The following UTRN variants were observed in gnomAD, a reference collection of about 807,000 sequenced individuals.
UTRN encodes the protein utrophin.
Under a neutral mutation model 463.9 loss-of-function variants are expected in UTRN, and 283 were observed. That is an observed-to-expected ratio of 0.61 (90% CI 0.55 to 0.67). The LOEUF is 0.67. UTRN is among the 30% of genes least tolerant of loss of function. The pLI is 0.00. For missense variants in UTRN, 3,922 were observed against 4,084.3 expected, an observed-to-expected ratio of 0.96 and a Z score of 1.08; for synonymous variants, 1,442 against 1,431.5, an observed-to-expected ratio of 1.01 and a Z score of -0.17.
At chr6:144,441,307 A>G (rs1787135127) in intron 13 of UTRN, among the ~76,000 whole-genome samples, 1 of 152,208 alleles carries the variant, frequency 6.6e-6, no homozygotes, top group Non-Finnish European at 1.5e-5. Context: ...CCTAGCTACA[A>G]TGGGGGCACA....
At chr6:144,448,185 T>C (rs1012200835) in intron 16 of UTRN, among the ~76,000 whole-genome samples, 1 of 152,222 alleles carries the variant, frequency 6.6e-6, no homozygotes, top group Non-Finnish European at 1.5e-5. Context: ...CAAAATGTGG[T>C]GTATGCATAC....
At chr6:144,452,828 A>G (rs540146941) in intron 18 of UTRN, among the ~76,000 whole-genome samples, 2 of 151,636 alleles carry the variant, frequency 1.3e-5, no homozygotes, top group East Asian at 2.0e-4. Context: ...TGTAACTCCA[A>G]CTACTCGGGA....
intron 51 of UTRN, among the ~76,000 whole-genome samples, chr6:144,634,620 T>C (rs1776904189): frequency 6.6e-6 from 1 of 152,176 alleles, no homozygotes; most frequent in South Asian, 2.1e-4. Context: ...TGCATTTCAG[T>C]GGTATTTAGT....
intron 30 of UTRN, 94 bp downstream of exon 30, chr6:144,488,928 C>A: frequency 2.4e-6 from 3 of 1,231,340 alleles, no homozygotes; most frequent in Non-Finnish European, 3.2e-6. Flanking sequence ...TCTCCAAAAC[C>A]GAGAGTCAAT....
chr6:144,714,876 G>A (rs1053740464), intron 53 of UTRN, among the ~76,000 whole-genome samples: 5 of 151,940 alleles, frequency 3.3e-5, no homozygotes, highest in East Asian at 1.9e-4. Context: ...ACTGTTCCTC[G>A]GACTCTACTT....
intron 2 of UTRN, among the ~76,000 whole-genome samples, chr6:144,371,767 G>T (rs551801184): frequency 1.3e-5 from 2 of 152,270 alleles, no homozygotes; most frequent in South Asian, 4.1e-4. Context: ...AAGAAGGAGT[G>T]ACAGATTGGA....
At chr6:144,304,421 G>A (rs757887319) in intron 2 of UTRN, among the ~76,000 whole-genome samples, 1 of 152,146 alleles carries the variant, frequency 6.6e-6, no homozygotes, top group Non-Finnish European at 1.5e-5. Flanking sequence ...GTTGTCGACT[G>A]TCTGTCACCT....
chr6:144,431,585 T>C (rs575037619), intron 9 of UTRN, among the ~76,000 whole-genome samples: 1 of 152,354 alleles, frequency 6.6e-6, no homozygotes, highest in Admixed American at 6.5e-5. Flanking sequence ...GTTGAAAGTT[T>C]CCTCATGTGT....
intron 2 of UTRN, among the ~76,000 whole-genome samples, chr6:144,400,513 G>T (rs575898562): frequency 6.6e-6 from 1 of 152,248 alleles, no homozygotes; most frequent in Admixed American, 6.5e-5. Flanking sequence ...TAGTAAGTGT[G>T]TGAAATTTGT....
intron 55 of UTRN, among the ~76,000 whole-genome samples, chr6:144,749,448 TC>T: frequency 6.6e-6 from 1 of 152,270 alleles, no homozygotes; most frequent in African/African-American, 2.4e-5. Flanking sequence ...CCAACAGACT[TC>T]CAGTTAGCAC....
At chr6:144,520,139 G>T (rs911478116) in intron 39 of UTRN, among the ~76,000 whole-genome samples, 1 of 152,218 alleles carries the variant, frequency 6.6e-6, no homozygotes, top group Admixed American at 6.5e-5. Context: ...GAAGGAAAAC[G>T]GGTCCCACTT....
intron 5 of UTRN, 22 bp from the exon 6 acceptor site, chr6:144,423,963 TG>T: frequency 6.2e-7 from 1 of 1,605,988 alleles, no homozygotes; most frequent in Non-Finnish European, 8.5e-7. Flanking sequence ...TTTTTGTTTT[TG>T]TTTTTTGTTT....
At chr6:144,594,707 A>G (rs907556227) in intron 51 of UTRN, among the ~76,000 whole-genome samples, 4 of 152,150 alleles carry the variant, frequency 2.6e-5, no homozygotes, top group Non-Finnish European at 5.9e-5. Context: ...AGCCATCACT[A>G]TAATCTAATT....
chr6:144,462,449 C>T (rs9496979), intron 22 of UTRN, among the ~76,000 whole-genome samples: 40,133 of 152,018 alleles, frequency 0.26, 12,020 homozygotes, highest in African/African-American at 0.74. Flanking sequence ...GGTCAAATGG[C>T]ATTTCTGGTT....
intron 51 of UTRN, among the ~76,000 whole-genome samples, chr6:144,674,317 A>T (rs1781369959): frequency 6.7e-6 from 1 of 149,300 alleles, no homozygotes; most frequent in African/African-American, 2.5e-5. Flanking sequence ...ATAATCCTAA[A>T]TTTCTTGGAG....
At chr6:144,696,430 A>C (rs2128695572) in intron 52 of UTRN, among the ~76,000 whole-genome samples, 1 of 152,312 alleles carries the variant, frequency 6.6e-6, no homozygotes, top group Admixed American at 6.5e-5. Flanking sequence ...TCCTAAATTA[A>C]AATTTAAATA....
At chr6:144,741,897 C>T (rs1005682632) in intron 54 of UTRN, among the ~76,000 whole-genome samples, 1 of 152,114 alleles carries the variant, frequency 6.6e-6, no homozygotes, top group Non-Finnish European at 1.5e-5. Context: ...GACTCCAGTT[C>T]TGCCTCTATT....
chr6:144,579,313 T>TAAA (rs1562599897), intron 51 of UTRN, among the ~76,000 whole-genome samples: 4 of 152,178 alleles, frequency 2.6e-5, no homozygotes, highest in Non-Finnish European at 4.4e-5. Context: ...AGATGCTAGA[T>TAAA]TATTTATTTT....
At chr6:144,415,617 A>C (rs1191180446) in intron 3 of UTRN, among the ~76,000 whole-genome samples, 1 of 152,212 alleles carries the variant, frequency 6.6e-6, no homozygotes, top group African/African-American at 2.4e-5. Context: ...ATACAGTATC[A>C]GATCAGAGAG....
Sources: gnomAD v4.1 joint callset for allele counts (sites outside exome capture counted in the v4.1 genomes callset) on GRCh38, gnomAD v4.1.1 for gene constraint, MANE v1.5 for transcripts, NCBI Gene and HGNC (gene_info 2026-07-23, HGNC 2026-07-21) for gene names.